The following TTC28 variants were observed in gnomAD, a reference collection of about 807,000 sequenced individuals.
The protein encoded by TTC28 is tetratricopeptide repeat protein 28.
A neutral mutation model predicts 198.0 loss-of-function variants in TTC28; 61 were observed. The observed-to-expected ratio is 0.31, with a 90% CI of 0.25 to 0.38. The LOEUF (loss-of-function observed/expected upper bound fraction) is 0.38. TTC28 is among the 10% of genes least tolerant of loss of function. The probability of loss-of-function intolerance (pLI) is 1.00; values close to 1 mark genes in which losing one functional copy is unlikely to be tolerated. For missense variants in TTC28, 2,678 were observed against 3,164.0 expected (o/e 0.85, Z 3.69); for synonymous variants, 1,171 against 1,297.8 (o/e 0.90, Z 2.10).
At chr22:28,114,443 G>A (rs1601332599) in intron 6 of TTC28, among the ~76,000 whole-genome samples, 1 of 152,198 alleles carries the variant, frequency 6.6e-6, no homozygotes, top group Admixed American at 6.5e-5. Flanking sequence ...TCAAAGGCAT[G>A]AGAGCAAAGT....
chr22:28,014,140 G>T (rs996291771), intron 14 of TTC28, 108 bp downstream of exon 14: 15 of 1,353,974 alleles, frequency 1.1e-5, no homozygotes, highest in African/African-American at 3.0e-5. Flanking sequence ...AAAGCCTCCG[G>T]TTGTCTCGGG....
At chr22:28,395,353 G>A (rs778399439) in intron 2 of TTC28, among the ~76,000 whole-genome samples, 4 of 152,020 alleles carry the variant, frequency 2.6e-5, no homozygotes, top group Non-Finnish European at 5.9e-5. Context: ...AGGGAGACAA[G>A]TGTGGTACTA....
chr22:28,411,481 GA>G (rs2047080752), intron 2 of TTC28, among the ~76,000 whole-genome samples: 1 of 152,166 alleles, frequency 6.6e-6, no homozygotes. Flanking sequence ...GAGAAACTCA[GA>G]AAGAGGTTCT....
rs1211129739 is a variant in TTC28 at position 27,998,566 on chromosome 22, G to T, written c.5093C>A (p.Ala1698Asp). ...EAMKVVQSSKAFSHPSNWAGF... is the reference protein window; with the variant it reads ...EAMKVVQSSKDFSHPSNWAGF... ...TGCCCAGTTGGAGGGGTGCGAGAAG[G>T]CCTTGCTGCTCTGCACCACCTTCAT... Residue 1698 changes from alanine to aspartate, a missense_variant, in exon 16 of 23, where the codon GCC becomes GAC. This residue lies in a region of TTC28 where 314 missense variants were observed against 442.7 expected (regional missense o/e 0.71). Coordinates refer to ENST00000397906, the MANE Select transcript of TTC28 (RefSeq NM_001145418.2). 1.3e-6 allele frequency: 2 copies of T among 1,550,566 alleles called. No individual in the cohort carries two copies. The highest frequency in any genetic ancestry group is 2.4e-5 in the East Asian group (1 of 40,914).
intron 2 of TTC28, among the ~76,000 whole-genome samples, chr22:28,372,655 C>T (rs781623781): frequency 1.3e-5 from 2 of 151,968 alleles, no homozygotes; most frequent in Non-Finnish European, 2.9e-5. Flanking sequence ...AGGGCCAGGC[C>T]AGGGACTCGT....
At chr22:28,456,149 ACT>A (rs1001126658) in intron 2 of TTC28, among the ~76,000 whole-genome samples, 2 of 146,428 alleles carry the variant, frequency 1.4e-5, no homozygotes, top group Non-Finnish European at 3.0e-5. Context: ...ACAGTGCGAG[ACT>A]CTGTCTCAGA....
intron 12 of TTC28, among the ~76,000 whole-genome samples, chr22:28,049,690 T>C (rs1254647103): frequency 6.6e-6 from 1 of 152,094 alleles, no homozygotes; most frequent in Non-Finnish European, 1.5e-5. Context: ...GGTAAGCATA[T>C]GCAGCTGTGA....
At chr22:28,094,375 C>T (rs921416528) in intron 11 of TTC28, 130 bp from the exon 12 acceptor site, 4 of 1,071,932 alleles carry the variant, frequency 3.7e-6, no homozygotes, top group Non-Finnish European at 5.0e-6. Context: ...CAAACCCTGT[C>T]AAAAAATCCT....
At chr22:28,011,804 G>T (rs1024319389) in intron 14 of TTC28, among the ~76,000 whole-genome samples, 2 of 152,172 alleles carry the variant, frequency 1.3e-5, no homozygotes, top group Non-Finnish European at 2.9e-5. Flanking sequence ...CTGGGCCAGA[G>T]AGATGAGAGG....
At chr22:28,028,456 A>G (rs1938926968) in intron 13 of TTC28, among the ~76,000 whole-genome samples, 1 of 152,214 alleles carries the variant, frequency 6.6e-6, no homozygotes. Flanking sequence ...CCTAGGGTTA[A>G]TAAGCTAGGG....
intron 6 of TTC28, among the ~76,000 whole-genome samples, chr22:28,147,128 T>C (rs568122114): frequency 1.5e-4 from 23 of 152,348 alleles, no homozygotes; most frequent in African/African-American, 5.3e-4. Flanking sequence ...CATTCCAGCT[T>C]TCATCTAATT....
At chr22:27,987,498 GAGGC>G in intron 21 of TTC28, among the ~76,000 whole-genome samples, 1 of 152,328 alleles carries the variant, frequency 6.6e-6, no homozygotes, top group South Asian at 2.1e-4. Context: ...TTGGGAGGCT[GAGGC>G]AGGCAGATCA....
At chr22:28,378,284 T>C (rs1418705360) in intron 2 of TTC28, among the ~76,000 whole-genome samples, 4 of 143,116 alleles carry the variant, frequency 2.8e-5, no homozygotes, top group African/African-American at 1.1e-4. Flanking sequence ...AGGCGGAGGT[T>C]GCAGTGAGCC....
chr22:28,199,383 TTATATATATATATA>T (rs34398046), intron 5 of TTC28, among the ~76,000 whole-genome samples: 8,921 of 118,468 alleles, frequency 0.075, 432 homozygotes, highest in South Asian at 0.17. Context: ...ACATTAAAAA[TTATATATATATATA>T]TATATATATA....
At chr22:28,163,965 T>G (rs1921561634) in intron 5 of TTC28, among the ~76,000 whole-genome samples, 1 of 152,216 alleles carries the variant, frequency 6.6e-6, no homozygotes, top group African/African-American at 2.4e-5. Context: ...ACTTTTCCAA[T>G]GGGCTTAACA....
chr22:28,347,333 C>T (rs895434809), intron 2 of TTC28, among the ~76,000 whole-genome samples: 5 of 151,828 alleles, frequency 3.3e-5, no homozygotes, highest in African/African-American at 2.4e-5. Flanking sequence ...CCCTTTTCTC[C>T]TCAACATATG....
At chr22:28,525,102 A>C (rs775430106) in intron 2 of TTC28, among the ~76,000 whole-genome samples, 4 of 152,186 alleles carry the variant, frequency 2.6e-5, no homozygotes, top group Non-Finnish European at 5.9e-5. Flanking sequence ...AAAATGATCT[A>C]TAACTAAAAT....
At position 27,998,471 on chromosome 22, in the gene TTC28, T is replaced by C. The variant is rs1937590141; in HGVS notation, c.5119+69A>G. On this transcript the variant is annotated intron_variant, in intron 16 of 22. Transcript: ENST00000397906. ...CCCCTCCCCAACCCCACTGGCAGAATAAAGTCGGGGGGCTGTGAGGACTGA... is the reference window on the plus strand; with the variant it reads ...CCCCTCCCCAACCCCACTGGCAGAACAAAGTCGGGGGGCTGTGAGGACTGA... The C allele has an allele frequency of 1.2e-5, 18 of 1,482,018 alleles. No individual in the cohort carries two copies. In the South Asian group the frequency reaches 2.2e-4, roughly 18 times the overall value. 91.8% of individuals were successfully genotyped at this position (1,482,018 alleles called of 1,614,324 possible). A position where few individuals can be genotyped will look rare whatever the true frequency, so the allele number is the denominator to read the frequency against.
chr22:28,299,922 G>C (rs1043497412), intron 3 of TTC28, among the ~76,000 whole-genome samples: 1 of 152,094 alleles, frequency 6.6e-6, no homozygotes, highest in Non-Finnish European at 1.5e-5. Context: ...GAAACACATT[G>C]AGTGACTACT....
Sources: allele counts gnomAD v4.1 joint callset (sites outside exome capture counted in the v4.1 genomes callset), GRCh38; gene constraint gnomAD v4.1.1; regional missense constraint gnomAD v4.1.1; transcripts MANE v1.5; gene names NCBI Gene and HGNC (gene_info 2026-07-23, HGNC 2026-07-21).